The following NREP variants were observed in gnomAD, a reference collection of about 807,000 sequenced individuals.
NREP encodes neuronal regeneration-related protein.
In NREP, 5 loss-of-function variants were observed where a neutral mutation model predicts 8.6. The ratio of observed to expected loss-of-function variants is 0.58; its 90% CI spans 0.30 to 1.22. The LOEUF (loss-of-function observed/expected upper bound fraction) is 1.22. NREP is among the 50% of genes most tolerant of loss of function. NREP has a pLI of 0.07. For synonymous variants in NREP, 27 were observed against 28.0 expected, an observed-to-expected ratio of 0.96 and a Z score of 0.11; for missense variants, 86 against 82.5, an observed-to-expected ratio of 1.04 and a Z score of -0.17.
At chr5:111,950,859 G>T (rs1355583239) in intron 2 of NREP, among the ~76,000 whole-genome samples, 1 of 151,970 alleles carries the variant, frequency 6.6e-6, no homozygotes, top group East Asian at 1.9e-4. Flanking sequence ...ACACAAAAAG[G>T]TCTAGGAAAT....
At chr5:111,892,942 GC>G (rs1286995699) in intron 2 of NREP, among the ~76,000 whole-genome samples, 1 of 152,162 alleles carries the variant, frequency 6.6e-6, no homozygotes, top group Non-Finnish European at 1.5e-5. Context: ...TACTGATTAA[GC>G]AAACCAAGCA....
At chr5:111,734,404 CA>C (rs1433921572) in intron 3 of NREP, 2 of 215,780 alleles carry the variant, frequency 9.3e-6, no homozygotes, top group Non-Finnish European at 9.1e-6. Context: ...TCCAGCTCTA[CA>C]AATCAGTGCA....
At chr5:111,829,798 TTATC>T (rs1277197442) in intron 2 of NREP, among the ~76,000 whole-genome samples, 1 of 152,136 alleles carries the variant, frequency 6.6e-6, no homozygotes, top group Non-Finnish European at 1.5e-5. Flanking sequence ...GCTACTGAAT[TTATC>T]CAACCCATTC....
At chr5:111,738,891 T>G (rs1033303458) in intron 2 of NREP, 1 of 151,992 alleles carries the variant, frequency 6.6e-6, no homozygotes, top group Non-Finnish European at 1.5e-5. Context: ...TAAGAAGAGA[T>G]TAGGACACAG....
intron 2 of NREP, among the ~76,000 whole-genome samples, chr5:111,755,205 C>T (rs945493414): frequency 6.6e-5 from 10 of 152,074 alleles, no homozygotes; most frequent in African/African-American, 2.4e-4. Context: ...GGTTAACATG[C>T]TTGACTTCTA....
rs746849959 is a variant in NREP, at chr5:111,730,889, C to T, written c.*32G>A. 9 of 1,612,544 alleles carry T rather than the reference C, an allele frequency of 5.6e-6. No homozygotes were observed. The Admixed American group carries it at 1.3e-4, about 24-fold the overall frequency. On this transcript the variant is annotated 3_prime_UTR_variant, in exon 4 of 4. Transcript: ENST00000257435. Reference sequence around the variant, plus strand: ...TACCATGACCTCATCAATACCCATACACCATATGTAATACAAATGGAGGTG... The same window carrying T: ...TACCATGACCTCATCAATACCCATATACCATATGTAATACAAATGGAGGTG...
At chr5:111,786,818 G>A (rs1234210282) in intron 2 of NREP, among the ~76,000 whole-genome samples, 1 of 152,152 alleles carries the variant, frequency 6.6e-6, no homozygotes, top group Non-Finnish European at 1.5e-5. Flanking sequence ...TAGGAATTTT[G>A]TATATCGAAG....
chr5:111,935,576 A>T (rs1450393660), intron 2 of NREP, among the ~76,000 whole-genome samples: 1 of 152,100 alleles, frequency 6.6e-6, no homozygotes, highest in Non-Finnish European at 1.5e-5. Flanking sequence ...AGGCAGCTTG[A>T]TCAAGTTTCC....
At chr5:111,799,975 G>A (rs534484362) in intron 2 of NREP, among the ~76,000 whole-genome samples, 8 of 152,042 alleles carry the variant, frequency 5.3e-5, no homozygotes, top group South Asian at 4.2e-4. Context: ...GCTGGAGTGC[G>A]GTGGTGTGAT....
At chr5:111,896,580 C>A (rs1754515890) in intron 2 of NREP, among the ~76,000 whole-genome samples, 1 of 152,154 alleles carries the variant, frequency 6.6e-6, no homozygotes, top group Admixed American at 6.6e-5. Context: ...ACAAGAGAGG[C>A]TACCAACCAT....
intron 2 of NREP, among the ~76,000 whole-genome samples, chr5:111,767,230 T>C (rs1751105753): frequency 6.6e-6 from 1 of 152,216 alleles, no homozygotes. Context: ...TTTATATTTA[T>C]GTTTTAAAGT....
At chr5:111,875,559 T>C (rs941908823) in intron 2 of NREP, among the ~76,000 whole-genome samples, 3 of 152,236 alleles carry the variant, frequency 2.0e-5, no homozygotes, top group African/African-American at 4.8e-5. Flanking sequence ...ACCAGAAGTT[T>C]ACTCCCTGTC....
intron 2 of NREP, among the ~76,000 whole-genome samples, chr5:111,888,342 C>CTG (rs1754312343): frequency 1.3e-5 from 2 of 150,006 alleles, no homozygotes; most frequent in African/African-American, 4.9e-5. Context: ...TGCTGGGTGG[C>CTG]GGGGGGGGTC....
chr5:111,739,353 G>GC (rs1213817403), intron 2 of NREP: 2 of 152,210 alleles, frequency 1.3e-5, no homozygotes, highest in East Asian at 3.9e-4. Context: ...CTCCATGCAG[G>GC]CAAGTGGCCC....
At chr5:111,880,695 G>A (rs1249662194) in intron 2 of NREP, among the ~76,000 whole-genome samples, 1 of 147,612 alleles carries the variant, frequency 6.8e-6, no homozygotes, top group Non-Finnish European at 1.5e-5. Context: ...TACAGAGGTA[G>A]ATACAATTTA....
At chr5:111,975,115 A>G (rs1159509703) in intron 2 of NREP, among the ~76,000 whole-genome samples, 1 of 152,250 alleles carries the variant, frequency 6.6e-6, no homozygotes, top group Non-Finnish European at 1.5e-5. Flanking sequence ...AATGGGGTTT[A>G]GGAAATAGGC....
At chr5:111,805,420 G>A (rs956387471) in intron 2 of NREP, among the ~76,000 whole-genome samples, 15 of 152,162 alleles carry the variant, frequency 9.9e-5, no homozygotes, top group African/African-American at 3.6e-4. Flanking sequence ...CTAAATGCCC[G>A]TATACTGGAG....
At chr5:111,894,909 T>C (rs746703252) in intron 2 of NREP, among the ~76,000 whole-genome samples, 1 of 152,196 alleles carries the variant, frequency 6.6e-6, no homozygotes, top group Admixed American at 6.5e-5. Context: ...ATAACAATTA[T>C]AAAACATTTA....
intron 2 of NREP, among the ~76,000 whole-genome samples, chr5:111,871,307 A>G (rs1039576106): frequency 9.2e-5 from 14 of 152,138 alleles, no homozygotes; most frequent in African/African-American, 1.9e-4. Context: ...AAGTATTTGT[A>G]TGTCTAAACA....
Sources: gnomAD v4.1 joint callset for allele counts (sites outside exome capture counted in the v4.1 genomes callset) on GRCh38, gnomAD v4.1.1 for gene constraint, MANE v1.5 for transcripts, NCBI Gene and HGNC (gene_info 2026-07-23, HGNC 2026-07-21) for gene names.